Variants in FCHSD2 observed in about 807,000 individuals in gnomAD.
FCHSD2 encodes FCH and double SH3 domains 2.
In FCHSD2, 38 loss-of-function variants were observed where a neutral mutation model predicts 108.1. The ratio of observed to expected loss-of-function variants is 0.35; its 90% CI spans 0.27 to 0.46. The LOEUF is 0.46. Ranked by LOEUF, FCHSD2 falls within the 20% of genes least tolerant of loss-of-function variation. FCHSD2 has a pLI of 1.00. For missense variants in FCHSD2, 751 were observed against 897.8 expected, an observed-to-expected ratio of 0.84 and a Z score of 2.09; for synonymous variants, 279 against 314.7, an observed-to-expected ratio of 0.89 and a Z score of 1.20.
Position 72,889,838 on chromosome 11 carries a change from G to C in FCHSD2, c.1032C>G (p.His344Gln), listed in dbSNP as rs61753292. The C allele has an allele frequency of 4.4e-6, 7 of 1,600,644 alleles. No individual in the cohort carries two copies. Among genetic ancestry groups the C allele is most frequent in the African/African-American group, 1.3e-5 (1 of 74,710 alleles). Residue 344 changes from histidine to glutamine, a missense_variant, in exon 11 of 20, where the codon CAC becomes CAG. Physicochemically the swap from His to Gln is conservative, Grantham distance 24. Transcript: ENST00000409418. ...RVAREHKNIV[H>Q]QQRVLNDLEC... ...TTTCTCTTACACTTACCCGTTGTTG[G>C]TGAACAATGTTTTTATGCTCACGTG...
At chr11:72,842,887 G>T in intron 16 of FCHSD2, 46 bp from the exon 17 acceptor site, 1 of 1,501,116 alleles carries the variant, frequency 6.7e-7, no homozygotes, top group Non-Finnish European at 9.2e-7. Context: ...ATTAACAGCC[G>T]GTTGCTTTTG....
At chr11:73,138,943 T>C (rs1398968980) in intron 2 of FCHSD2, among the ~76,000 whole-genome samples, 2 of 152,204 alleles carry the variant, frequency 1.3e-5, no homozygotes, top group Admixed American at 6.5e-5. Flanking sequence ...TATTTTCTTA[T>C]GGCTATGATA....
intron 3 of FCHSD2, among the ~76,000 whole-genome samples, chr11:73,045,501 G>A (rs979606667): frequency 8.5e-5 from 13 of 152,090 alleles, no homozygotes; most frequent in African/African-American, 3.1e-4. Context: ...CACCATAGCA[G>A]AGACTTGGAA....
intron 3 of FCHSD2, among the ~76,000 whole-genome samples, chr11:73,056,270 T>C (rs1050599307): frequency 6.6e-6 from 1 of 152,212 alleles, no homozygotes; most frequent in Non-Finnish European, 1.5e-5. Context: ...AGGGGTCCTG[T>C]GCAACTGTGC....
At chr11:72,876,797 GTTC>G (rs1323664406) in intron 12 of FCHSD2, among the ~76,000 whole-genome samples, 1 of 152,062 alleles carries the variant, frequency 6.6e-6, no homozygotes, top group African/African-American at 2.4e-5. Flanking sequence ...GATTTGTCTA[GTTC>G]TTCTTTCAGT....
At chr11:73,066,270 G>T (rs1259889216) in intron 3 of FCHSD2, among the ~76,000 whole-genome samples, 1 of 152,134 alleles carries the variant, frequency 6.6e-6, no homozygotes, top group Non-Finnish European at 1.5e-5. Flanking sequence ...TTTAATAAAT[G>T]TTGTTGGGAA....
intron 8 of FCHSD2, among the ~76,000 whole-genome samples, chr11:72,963,942 A>G (rs1421745230): frequency 6.6e-6 from 1 of 152,214 alleles, no homozygotes; most frequent in Non-Finnish European, 1.5e-5. Flanking sequence ...ACAGTTGAAT[A>G]ACAATGGCTA....
intron 3 of FCHSD2, among the ~76,000 whole-genome samples, chr11:73,051,930 A>C (rs1156356373): frequency 6.6e-6 from 1 of 151,146 alleles, no homozygotes; most frequent in Non-Finnish European, 1.5e-5. Context: ...ACACACACTG[A>C]CATCAGGGAA....
chr11:73,012,602 A>G (rs1181645653), intron 4 of FCHSD2, among the ~76,000 whole-genome samples: 1 of 152,202 alleles, frequency 6.6e-6, no homozygotes, highest in South Asian at 2.1e-4. Context: ...AACACTGGCA[A>G]TTGTTCTCAG....
intron 5 of FCHSD2, among the ~76,000 whole-genome samples, chr11:72,998,265 C>T (rs549271057): frequency 5.9e-5 from 9 of 152,174 alleles, no homozygotes; most frequent in East Asian, 3.9e-4. Context: ...TTGGACCAGG[C>T]GAGGTGGCTC....
chr11:73,030,760 A>C (rs1858340685), intron 3 of FCHSD2, among the ~76,000 whole-genome samples: 1 of 152,254 alleles, frequency 6.6e-6, no homozygotes, highest in Non-Finnish European at 1.5e-5. Flanking sequence ...TGAAATGGTT[A>C]CCACAGTCAA....
intron 5 of FCHSD2, among the ~76,000 whole-genome samples, chr11:72,995,274 A>G (rs1591467785): frequency 1.3e-5 from 2 of 152,306 alleles, no homozygotes; most frequent in Admixed American, 1.3e-4. Flanking sequence ...TATCAAATAC[A>G]AAGTTTTTGT....
chr11:73,008,660 T>C (rs1365370971), intron 4 of FCHSD2, among the ~76,000 whole-genome samples: 1 of 152,108 alleles, frequency 6.6e-6, no homozygotes, highest in East Asian at 1.9e-4. Context: ...TTGAATATCA[T>C]GAAAAGAAAT....
At chr11:73,134,443 T>G (rs942439428) in intron 2 of FCHSD2, among the ~76,000 whole-genome samples, 1 of 151,986 alleles carries the variant, frequency 6.6e-6, no homozygotes, top group African/African-American at 2.4e-5. Flanking sequence ...GTGCTCCAGC[T>G]TGGGTGACAG....
At chr11:73,111,279 C>T (rs1022603802) in intron 2 of FCHSD2, among the ~76,000 whole-genome samples, 6 of 152,260 alleles carry the variant, frequency 3.9e-5, no homozygotes, top group Admixed American at 2.0e-4. Context: ...ATTTGCTTTA[C>T]ATATCTGGGT....
At chr11:72,846,179 CTCTT>C (rs1861136216) in intron 14 of FCHSD2, among the ~76,000 whole-genome samples, 1 of 149,110 alleles carries the variant, frequency 6.7e-6, no homozygotes, top group Non-Finnish European at 1.5e-5. Context: ...CCTCCTTTTG[CTCTT>C]TTTTTTTTTT....
chr11:73,069,216 C>T (rs1025331854), intron 3 of FCHSD2, among the ~76,000 whole-genome samples: 2 of 145,450 alleles, frequency 1.4e-5, no homozygotes, highest in African/African-American at 5.1e-5. Flanking sequence ...GAGGCTGAGG[C>T]AGGAAAATCA....
Position 73,141,981 on chromosome 11 carries a change from G to A in FCHSD2, c.-104C>T, listed in dbSNP as rs1861260646. ...GACGGCCCAGCGAGCGCGCGCGTGTGTGAAAGGAGCGCTTAAGAAGCAAGA... is the reference window on the plus strand; with the variant it reads ...GACGGCCCAGCGAGCGCGCGCGTGTATGAAAGGAGCGCTTAAGAAGCAAGA... On this transcript the variant is annotated 5_prime_UTR_variant, in exon 1 of 20. Coordinates refer to ENST00000409418, the MANE Select transcript of FCHSD2 (RefSeq NM_014824.3). The A allele has an allele frequency of 1.7e-6, 2 of 1,177,902 alleles. No homozygotes were observed. Among genetic ancestry groups the A allele is most frequent in the Admixed American group, 4.8e-5 (2 of 41,854 alleles). The allele number at this position is 1,177,902 out of a possible 1,614,324, so 73.0% of individuals were successfully genotyped here.
Position 73,136,473 on chromosome 11 carries a change from G to A in FCHSD2, c.119+3558C>T, listed in dbSNP as rs1052992889. On this transcript the variant is annotated intron_variant, in intron 2 of 19. Coordinates refer to ENST00000409418, the MANE Select transcript of FCHSD2 (RefSeq NM_014824.3). ...TGAGATGGGAGGATCGCTTGAGCCC[G>A]AGAGGAGAGGTTGCAGTAAGCAGAG... 3.3e-5 allele frequency among the ~76,000 whole-genome samples: 5 copies of A among 151,634 alleles called. 1 individual carries two copies. The highest frequency in any genetic ancestry group is 2.1e-4 in the South Asian group (1 of 4,794).
Sources: allele counts gnomAD v4.1 joint callset (sites outside exome capture counted in the v4.1 genomes callset), GRCh38; gene constraint gnomAD v4.1.1; transcripts MANE v1.5; gene names NCBI Gene and HGNC (gene_info 2026-07-23, HGNC 2026-07-21).